The following GUCY1A2 variants were observed in gnomAD, a reference collection of about 807,000 sequenced individuals.
GUCY1A2 encodes the protein guanylate cyclase 1 soluble subunit alpha 2, also known as guanylate cyclase soluble subunit alpha-2.
In GUCY1A2, 27 loss-of-function variants were observed where a neutral mutation model predicts 63.5. That is an observed-to-expected ratio of 0.43 (90% CI 0.31 to 0.59). GUCY1A2 has a LOEUF of 0.59. Ranked by LOEUF, GUCY1A2 falls within the 20% of genes least tolerant of loss-of-function variation. GUCY1A2 has a pLI of 0.11. For missense variants in GUCY1A2, 768 were observed against 913.3 expected (o/e 0.84, Z 2.05); for synonymous variants, 364 against 343.5 (o/e 1.06, Z -0.66).
At chr11:106,960,632 G>T (rs1861046673) in intron 3 of GUCY1A2, among the ~76,000 whole-genome samples, 1 of 152,112 alleles carries the variant, frequency 6.6e-6, no homozygotes, top group East Asian at 1.9e-4. Flanking sequence ...GCTCATTAAT[G>T]GGGAAATGTA....
intron 6 of GUCY1A2, among the ~76,000 whole-genome samples, chr11:106,719,317 C>T (rs1054126891): frequency 1.3e-5 from 2 of 151,948 alleles, no homozygotes; most frequent in Non-Finnish European, 2.9e-5. Flanking sequence ...AAAAAAATTT[C>T]ATAGAAGCAC....
chr11:106,841,069 C>G (rs1234563993), intron 4 of GUCY1A2, among the ~76,000 whole-genome samples: 1 of 151,884 alleles, frequency 6.6e-6, no homozygotes, highest in Non-Finnish European at 1.5e-5. Context: ...ACTCCCTTTA[C>G]TTTCTGCTCC....
At chr11:106,790,956 G>A (rs1208182294) in intron 5 of GUCY1A2, among the ~76,000 whole-genome samples, 1 of 152,194 alleles carries the variant, frequency 6.6e-6, no homozygotes, top group East Asian at 1.9e-4. Context: ...GGTTGAGGGA[G>A]GGGTGCTGCA....
chr11:106,997,582 A>G (rs1861555570), intron 1 of GUCY1A2, among the ~76,000 whole-genome samples: 1 of 151,808 alleles, frequency 6.6e-6, no homozygotes, highest in African/African-American at 2.4e-5. Flanking sequence ...TAACAAGTCA[A>G]CAAAGTAGGA....
At chr11:106,959,499 A>G (rs1452116969) in intron 3 of GUCY1A2, among the ~76,000 whole-genome samples, 1 of 152,194 alleles carries the variant, frequency 6.6e-6, no homozygotes, top group Admixed American at 6.5e-5. Flanking sequence ...ATAATCTGTC[A>G]TCTCTAACAG....
At chr11:106,835,018 A>G (rs948692328) in intron 4 of GUCY1A2, among the ~76,000 whole-genome samples, 1 of 151,988 alleles carries the variant, frequency 6.6e-6, no homozygotes, top group African/African-American at 2.4e-5. Flanking sequence ...AAAGTCAAAT[A>G]TAAGGTAACA....
intron 5 of GUCY1A2, among the ~76,000 whole-genome samples, chr11:106,795,230 G>C (rs1864733118): frequency 6.6e-6 from 1 of 152,046 alleles, no homozygotes; most frequent in African/African-American, 2.4e-5. Flanking sequence ...CCTACATTTA[G>C]CTACCATTGC....
chr11:106,962,927 G>A (rs199777777), intron 3 of GUCY1A2, among the ~76,000 whole-genome samples: 1 of 151,832 alleles, frequency 6.6e-6, no homozygotes, highest in African/African-American at 2.4e-5. Flanking sequence ...TAAAAATATA[G>A]GCAGTGGTAA....
intron 4 of GUCY1A2, chr11:106,827,148 T>C (rs1858982024): frequency 2.0e-6 from 3 of 1,488,864 alleles, no homozygotes; most frequent in Non-Finnish European, 1.9e-6. Context: ...GAGAAAACTC[T>C]TTTGTTCCTT....
At chr11:106,833,996 T>G (rs1237061369) in intron 4 of GUCY1A2, among the ~76,000 whole-genome samples, 1 of 152,050 alleles carries the variant, frequency 6.6e-6, no homozygotes, top group Non-Finnish European at 1.5e-5. Context: ...TTTTGATACA[T>G]GTATATACTG....
chr11:106,796,118 CTA>C (rs1437131394), intron 5 of GUCY1A2, among the ~76,000 whole-genome samples: 3 of 152,136 alleles, frequency 2.0e-5, no homozygotes, highest in Admixed American at 2.0e-4. Flanking sequence ...TTATCAGAGA[CTA>C]GGATTGCAAC....
chr11:106,969,303 T>C (rs1275136235), intron 3 of GUCY1A2, among the ~76,000 whole-genome samples: 1 of 152,162 alleles, frequency 6.6e-6, no homozygotes, highest in Non-Finnish European at 1.5e-5. Flanking sequence ...GAACCCAGGA[T>C]GTTTGAATTT....
In GUCY1A2 at chr11:106,986,137, GAATAAT is replaced by G. The variant is rs755453672; in HGVS notation, c.304-12_304-7del. ...GTCTGCTGTATCGTCTGAGGCTACA[GAATAAT>G]AATAATAATAAAAACATATTATCAG... On this transcript the variant is annotated splice_polypyrimidine_tract_variant and splice_region_variant and intron_variant, in intron 1 of 7. Transcript: ENST00000526355. 4.4e-6 allele frequency: 6 copies of G among 1,352,822 alleles called. No homozygotes were observed. Among genetic ancestry groups the G allele is most frequent in the East Asian group, 4.6e-5 (2 of 43,612 alleles). The allele number at this position is 1,352,822 out of a possible 1,614,324, so 83.8% of individuals were successfully genotyped here.
At chr11:106,801,569 T>TA (rs935092418) in intron 5 of GUCY1A2, among the ~76,000 whole-genome samples, 1 of 152,146 alleles carries the variant, frequency 6.6e-6, no homozygotes, top group Non-Finnish European at 1.5e-5. Context: ...CATTGCTTTC[T>TA]AAAATTTGAG....
At chr11:106,970,316 T>C (rs1432266727) in intron 3 of GUCY1A2, among the ~76,000 whole-genome samples, 31 of 152,314 alleles carry the variant, frequency 2.0e-4, no homozygotes, top group East Asian at 1.2e-3. Flanking sequence ...GAACTTATTG[T>C]TACTAAGCAA....
chr11:106,939,762 T>A lies in GUCY1A2; in HGVS notation c.904A>T (p.Met302Leu). 2.5e-6 allele frequency: 4 copies of A among 1,614,010 alleles called. No homozygotes were observed. Among genetic ancestry groups the A allele is most frequent in the Non-Finnish European group, 3.4e-6 (4 of 1,179,890 alleles). ...GAGGTTCCCTGTGGAAGGTTCTTCA[T>A]GATATTAGTATTTTCACATTCTTTG... ...LIKECENTNI[M>L]KNLPQGTSQV... Residue 302 changes from methionine (M) to leucine (L), a missense_variant, in exon 4 of 8, where the codon ATG becomes TTG. Met to Leu is a conservative substitution (Grantham distance 15). Around this residue, in one of 3 missense-constraint regions of GUCY1A2, gnomAD observed 496 missense variants for 486.9 expected, o/e 1.02. Coordinates refer to ENST00000526355, the MANE Select transcript of GUCY1A2 (RefSeq NM_000855.3).
chr11:106,833,864 C>T (rs758627504), intron 4 of GUCY1A2, among the ~76,000 whole-genome samples: 2 of 151,922 alleles, frequency 1.3e-5, no homozygotes, highest in Non-Finnish European at 2.9e-5. Context: ...TTGAGAAGAG[C>T]TATGCAGTAG....
At chr11:106,889,242 A>G (rs528303052) in intron 4 of GUCY1A2, among the ~76,000 whole-genome samples, 1 of 152,292 alleles carries the variant, frequency 6.6e-6, no homozygotes, top group African/African-American at 2.4e-5. Context: ...TAGACACAGT[A>G]TTTTTGGTAT....
chr11:106,961,702 A>C (rs1425521569), intron 3 of GUCY1A2, among the ~76,000 whole-genome samples: 1 of 152,220 alleles, frequency 6.6e-6, no homozygotes, highest in Admixed American at 6.5e-5. Context: ...TTCTCAGCAC[A>C]TTCCTAGCCT....
Sources: allele counts gnomAD v4.1 joint callset (sites outside exome capture counted in the v4.1 genomes callset), GRCh38; gene constraint gnomAD v4.1.1; regional missense constraint gnomAD v4.1.1; transcripts MANE v1.5; gene names NCBI Gene and HGNC (gene_info 2026-07-23, HGNC 2026-07-21).